NHLRC3: variants seen among roughly 807,000 people sequenced by gnomAD.
NHLRC3 encodes the protein NHL repeat containing 3.
Under a neutral mutation model 32.0 loss-of-function variants are expected in NHLRC3, and 23 were observed. The observed-to-expected ratio is 0.72, with a 90% CI of 0.52 to 1.02. The LOEUF is 1.02. Ranked by LOEUF, NHLRC3 falls within the 50% of genes least tolerant of loss-of-function variation. The pLI is 0.00. For missense variants in NHLRC3, 407 were observed against 406.8 expected (o/e 1.00, Z -0.01); for synonymous variants, 159 against 147.9 (o/e 1.08, Z -0.55).
chr13:39,038,481 C>G lies in NHLRC3; in HGVS notation c.-159C>G, dbSNP rs2138147024. The G allele has an allele frequency of 1.5e-6, 1 of 663,662 alleles. No homozygotes were observed. Among genetic ancestry groups the G allele is most frequent in the African/African-American group, 1.8e-5 (1 of 55,704 alleles). The allele number at this position is 663,662 out of a possible 1,614,324, so 41.1% of individuals were successfully genotyped here. On this transcript the variant is annotated 5_prime_UTR_variant, in exon 1 of 7. Coordinates refer to ENST00000379600, the MANE Select transcript of NHLRC3 (RefSeq NM_001012754.4). ...ATTCGCCCTGGTCTCTGTTCCCTTT[C>G]GTACTCAAAGCTCGTGCATCCAGGG...
chr13:39,043,161 T>C (rs1320984182), intron 4 of NHLRC3, among the ~76,000 whole-genome samples: 2 of 152,076 alleles, frequency 1.3e-5, no homozygotes, highest in African/African-American at 4.8e-5. Flanking sequence ...AGTAACTGAA[T>C]TTGGTTGATA....
At chr13:39,042,852 G>A (rs1488155232) in intron 4 of NHLRC3, among the ~76,000 whole-genome samples, 2 of 152,184 alleles carry the variant, frequency 1.3e-5, no homozygotes, top group African/African-American at 2.4e-5. Flanking sequence ...ACTAGTTTTG[G>A]TGGGAGGAGA....
chr13:39,042,432 A>C (rs984902184), intron 4 of NHLRC3, 127 bp downstream of exon 4: 2 of 584,996 alleles, frequency 3.4e-6, no homozygotes, highest in Non-Finnish European at 5.9e-6. Context: ...TTACTACGAG[A>C]AAACTGAAAA....
At chr13:39,038,770 T>C (rs1593548266) in intron 1 of NHLRC3, 47 bp downstream of exon 1, 1 of 1,486,842 alleles carries the variant, frequency 6.7e-7, no homozygotes, top group Non-Finnish European at 9.4e-7. Context: ...CGGGTAGCCC[T>C]GTTGGGAGGC....
rs530731960 is a variant in NHLRC3, at chr13:39,049,099, C to A, written c.*1173C>A. The A allele has an allele frequency of 6.8e-6, 1 of 148,148 alleles. No homozygotes were observed. Among genetic ancestry groups the A allele is most frequent in the Non-Finnish European group, 1.5e-5 (1 of 67,468 alleles). The allele number at this position is 148,148 out of a possible 1,614,324, so 9.2% of individuals were successfully genotyped here. A position where few individuals can be genotyped will look rare whatever the true frequency, so the allele number is the denominator to read the frequency against. The stretch of plus-strand genomic sequence containing the variant: ...TAGCTTATTATAGGTTTTGGAGGAA[C>A]TTTGCCATTTTGTAATCTTTCAAAT... On this transcript the variant is annotated 3_prime_UTR_variant, in exon 7 of 7. Transcript: ENST00000379600.
intron 2 of NHLRC3, 107 bp from the exon 3 acceptor site, chr13:39,039,457 A>G (rs1593549189): frequency 8.5e-7 from 1 of 1,170,058 alleles, no homozygotes; most frequent in East Asian, 2.4e-5. Context: ...TTAGATTTTG[A>G]AAGTGGTTTT....
At chr13:39,039,803 A>T (rs1871384742) in intron 3 of NHLRC3, 92 bp downstream of exon 3, 1 of 858,364 alleles carries the variant, frequency 1.2e-6, no homozygotes, top group African/African-American at 1.7e-5. Context: ...GAGTTGCTGA[A>T]TCTAATTGTA....
At chr13:39,045,257 CTT>C (rs759569122) in intron 5 of NHLRC3, among the ~76,000 whole-genome samples, 28 of 152,260 alleles carry the variant, frequency 1.8e-4, no homozygotes, top group Middle Eastern at 3.4e-3. Flanking sequence ...GAACTGGAAA[CTT>C]TGAATTAAAC....
At chr13:39,038,842 C>A (rs1180287896) in intron 1 of NHLRC3, 119 bp downstream of exon 1, 2 of 874,890 alleles carry the variant, frequency 2.3e-6, no homozygotes, top group African/African-American at 1.7e-5. Context: ...TGTCTCAAAG[C>A]CTGCACCTGG....
At chr13:39,047,182 T>G in intron 6 of NHLRC3, 30 bp downstream of exon 6, 2 of 1,293,550 alleles carry the variant, frequency 1.5e-6, no homozygotes, top group South Asian at 1.2e-5. Context: ...GCAAAATGCT[T>G]GTTTTAGTTA....
In NHLRC3 at chr13:39,047,938, T is replaced by A. The variant is rs9532318; in HGVS notation, c.*12T>A. 102 of 1,573,726 alleles carry A rather than the reference T, an allele frequency of 6.5e-5. 2 individuals carry two copies. In the South Asian group the frequency reaches 1.0e-3, roughly 16 times the overall value. On this transcript the variant is annotated 3_prime_UTR_variant, in exon 7 of 7. Coordinates refer to ENST00000379600, the MANE Select transcript of NHLRC3 (RefSeq NM_001012754.4). Reference sequence around the variant, plus strand: ...CATTTGGTTCATAATGTTTCTTTCCTGGGAATATTTCAAGTGGCAGTTCAG... The same window carrying A: ...CATTTGGTTCATAATGTTTCTTTCCAGGGAATATTTCAAGTGGCAGTTCAG...
intron 1 of NHLRC3, 150 bp from the exon 2 acceptor site, chr13:39,038,986 T>C (rs1871329786): frequency 1.5e-6 from 1 of 674,994 alleles, no homozygotes; most frequent in Admixed American, 2.9e-5. Flanking sequence ...TTTAGGCATC[T>C]AAGCTCATTT....
intron 3 of NHLRC3, chr13:39,040,166 T>TGACA (rs1871409634): frequency 6.8e-6 from 1 of 146,632 alleles, no homozygotes; most frequent in African/African-American, 2.5e-5. Context: ...CCAGCCTGGG[T>TGACA]GACACAGCGA....
chr13:39,040,913 A>T (rs1222168893), intron 3 of NHLRC3: 1 of 152,208 alleles, frequency 6.6e-6, no homozygotes, highest in Admixed American at 6.5e-5. Flanking sequence ...CAACCAAAAA[A>T]AGTCTATAGA....
Position 39,039,692 on chromosome 13 carries a change from G to C in NHLRC3, c.366G>C (p.Trp122Cys), listed in dbSNP as rs774386890. 8.7e-6 allele frequency: 14 copies of C among 1,612,262 alleles called. No individual in the cohort carries two copies. Among genetic ancestry groups the C allele is most frequent in the Non-Finnish European group, 7.6e-6 (9 of 1,178,510 alleles). ...AASTLYEQSV[W>C]ITDVGSGFFG... ...GTACTCTATATGAACAATCCGTCTG[G>C]ATCACGGATGTAGGAAGTGGTATGT... The change falls in exon 3 of 7, where the codon TGG (tryptophan) becomes TGC (cysteine). Residue 122 changes from tryptophan to cysteine, a missense_variant. Transcript: ENST00000379600.
At position 39,048,504 on chromosome 13, in the gene NHLRC3, T is replaced by TG. The variant is rs1871777159; in HGVS notation, c.*580dup. The TG allele has an allele frequency of 1.3e-5, 2 of 152,338 alleles. No homozygotes were observed. Among genetic ancestry groups the TG allele is most frequent in the South Asian group, 4.1e-4 (2 of 4,826 alleles). The allele number at this position is 152,338 out of a possible 1,614,324, so 9.4% of individuals were successfully genotyped here. A position where few individuals can be genotyped will look rare whatever the true frequency, so the allele number is the denominator to read the frequency against. On this transcript the variant is annotated 3_prime_UTR_variant, in exon 7 of 7. Transcript: ENST00000379600. ...CGACCTTGGAGCATAGTGGGACTTT[T>TG]GGAGTAGGAGTGCTGCATTTGACTG...
chr13:39,041,502 A>G (rs1871465034), intron 3 of NHLRC3: 1 of 152,514 alleles, frequency 6.6e-6, no homozygotes, highest in Non-Finnish European at 1.5e-5. Flanking sequence ...TCTTGCTTGT[A>G]AGATAATTTT....
chr13:39,043,988 A>G, intron 4 of NHLRC3, 102 bp from the exon 5 acceptor site: 2 of 811,714 alleles, frequency 2.5e-6, no homozygotes, highest in South Asian at 1.5e-5. Context: ...CAAGTGAACC[A>G]GCGGTGTAAT....
chr13:39,038,774 G>A, intron 1 of NHLRC3, 51 bp downstream of exon 1: 1 of 1,452,844 alleles, frequency 6.9e-7, no homozygotes, highest in Middle Eastern at 1.7e-4. Flanking sequence ...TAGCCCTGTT[G>A]GGAGGCGTCG....
Sources: allele counts gnomAD v4.1 joint callset (sites outside exome capture counted in the v4.1 genomes callset), GRCh38; gene constraint gnomAD v4.1.1; transcripts MANE v1.5; gene names NCBI Gene and HGNC (gene_info 2026-07-23, HGNC 2026-07-21).